TTC23: variants seen among roughly 807,000 people sequenced by gnomAD.
The protein encoded by TTC23 is tetratricopeptide repeat protein 23.
A neutral mutation model predicts 55.1 loss-of-function variants in TTC23; 58 were observed. The observed-to-expected ratio is 1.05, with a 90% CI of 0.85 to 1.31. The LOEUF is 1.31. Ranked by LOEUF, TTC23 falls within the 50% of genes most tolerant of loss-of-function variation. The pLI, the probability that TTC23 is intolerant of heterozygous loss-of-function variation, is 0.00. For synonymous variants in TTC23, 203 were observed against 199.9 expected, an observed-to-expected ratio of 1.02 and a Z score of -0.13; for missense variants, 516 against 534.4, an observed-to-expected ratio of 0.97 and a Z score of 0.34.
chr15:99,158,114 G>A (rs918298058), intron 11 of TTC23: 5 of 152,240 alleles, frequency 3.3e-5, no homozygotes, highest in Non-Finnish European at 7.3e-5. Context: ...TTTCTCAGGT[G>A]AAAGAGGAAT....
chr15:99,150,270 C>A (rs577863763), intron 12 of TTC23, among the ~76,000 whole-genome samples: 1 of 152,304 alleles, frequency 6.6e-6, no homozygotes, highest in South Asian at 2.1e-4. Context: ...TGTCTCCATT[C>A]TTGGTCCACT....
chr15:99,205,868 G>C (rs746383669), intron 8 of TTC23, among the ~76,000 whole-genome samples: 1 of 152,138 alleles, frequency 6.6e-6, no homozygotes, highest in Non-Finnish European at 1.5e-5. Flanking sequence ...GGTAAAAGTA[G>C]GCAAGCCTGT....
Position 99,175,050 on chromosome 15 carries a change from C to T in TTC23, c.865G>A (p.Asp289Asn), listed in dbSNP as rs367792554. ...AGGAAGAGAAAAGGATTCTTCTCAC[C>T]ATGGTGCTCGTGTCTCCCTGAAGCG... ...AVASGRHEHH[D>N]VAEQYFQESM... The change falls in exon 10 of 14, where the codon GAT becomes AAT. Residue 289 changes from aspartate to asparagine, a missense_variant and splice_region_variant. By Grantham distance (23) the Asp-to-Asn change is conservative. Coordinates refer to ENST00000394132, the MANE Select transcript of TTC23 (RefSeq NM_001288615.3). 344 of 1,613,730 alleles carry T rather than the reference C, an allele frequency of 2.1e-4. No homozygotes were observed. Among genetic ancestry groups the T allele is most frequent in the Non-Finnish European group, 2.7e-4 (324 of 1,179,908 alleles).
chr15:99,176,163 A>G (rs2073524567), intron 9 of TTC23, among the ~76,000 whole-genome samples: 1 of 152,232 alleles, frequency 6.6e-6, no homozygotes, highest in South Asian at 2.1e-4. Flanking sequence ...GTTTACATTC[A>G]TTCACACTTA....
intron 10 of TTC23, among the ~76,000 whole-genome samples, chr15:99,168,147 C>T (rs998757943): frequency 6.6e-6 from 1 of 152,202 alleles, no homozygotes; most frequent in African/African-American, 2.4e-5. Flanking sequence ...TAGACAGGGG[C>T]CTGTGACATG....
rs1350838907 is a variant in TTC23 at position 99,219,034 on chromosome 15, C to T, written c.319G>A (p.Ala107Thr). The change falls in exon 7 of 14, where the codon GCA becomes ACA. Residue 107 changes from alanine (A) to threonine (T), a missense_variant. Physicochemically the swap from Ala to Thr is moderately conservative, Grantham distance 58 (BLOSUM62 0). Coordinates refer to ENST00000394132, the MANE Select transcript of TTC23 (RefSeq NM_001288615.3). ...YLQLKGLSLQ[A>T]KQHAEKARQI... is the part of the protein sequence containing the mutation. ...CTGGCTTTTTCTGCATGTTGTTTTG[C>T]TTGCAGTGACAGTCCTGTGGACAAA... The T allele has an allele frequency of 9.3e-6, 15 of 1,613,968 alleles. No homozygotes were observed. Among genetic ancestry groups the T allele is most frequent in the African/African-American group, 4.0e-5 (3 of 74,924 alleles).
intron 12 of TTC23, among the ~76,000 whole-genome samples, chr15:99,145,581 G>C (rs2068753583): frequency 6.6e-6 from 1 of 151,280 alleles, no homozygotes; most frequent in Non-Finnish European, 1.5e-5. Flanking sequence ...GGGGGAGGTG[G>C]TGGTGGTGGT....
intron 12 of TTC23, among the ~76,000 whole-genome samples, chr15:99,149,211 ACAGAG>A (rs1398151514): frequency 1.3e-5 from 2 of 152,238 alleles, no homozygotes; most frequent in African/African-American, 4.8e-5. Context: ...CCTGGTATTC[ACAGAG>A]CAGTCAGCCT....
chr15:99,146,798 G>A (rs997025017), intron 12 of TTC23, among the ~76,000 whole-genome samples: 2 of 152,258 alleles, frequency 1.3e-5, no homozygotes, highest in Non-Finnish European at 1.5e-5. Flanking sequence ...ATAGCTGGGC[G>A]GGCCCAACCT....
intron 8 of TTC23, among the ~76,000 whole-genome samples, chr15:99,204,006 T>A (rs1393677438): frequency 6.6e-6 from 1 of 152,196 alleles, no homozygotes; most frequent in Admixed American, 6.5e-5. Context: ...GGGGGGTATA[T>A]ACTGAGTAAT....
chr15:99,242,445 T>C (rs1288948766), intron 2 of TTC23, among the ~76,000 whole-genome samples: 3 of 152,172 alleles, frequency 2.0e-5, no homozygotes, highest in Non-Finnish European at 2.9e-5. Flanking sequence ...CATGAGTATT[T>C]TGAAAACTCT....
chr15:99,143,581 G>A (rs260115), intron 12 of TTC23, among the ~76,000 whole-genome samples: 44,026 of 152,182 alleles, frequency 0.29, 7,376 homozygotes, highest in African/African-American at 0.47. Flanking sequence ...TTTCTTTAAA[G>A]TGAACAATAA....
At chr15:99,158,790 C>T (rs1168536313) in intron 11 of TTC23, 1 of 152,344 alleles carries the variant, frequency 6.6e-6, no homozygotes, top group Non-Finnish European at 1.5e-5. Context: ...TGAGCACAGC[C>T]CCATTCTTGG....
At chr15:99,213,006 A>AG (rs368010096) in intron 8 of TTC23, among the ~76,000 whole-genome samples, 3 of 101,744 alleles carry the variant, frequency 2.9e-5, no homozygotes, top group Non-Finnish European at 5.5e-5. Flanking sequence ...AAAAAAAAAA[A>AG]GGGGGGGACA....
At chr15:99,204,988 A>T (rs989810248) in intron 8 of TTC23, among the ~76,000 whole-genome samples, 1 of 152,156 alleles carries the variant, frequency 6.6e-6, no homozygotes. Context: ...AGCGAGAACT[A>T]GGGGTCTAGT....
intron 5 of TTC23, among the ~76,000 whole-genome samples, chr15:99,226,354 C>T (rs2078413260): frequency 6.6e-6 from 1 of 152,002 alleles, no homozygotes; most frequent in Non-Finnish European, 1.5e-5. Flanking sequence ...GGGTAAAGGG[C>T]CATAATATCT....
chr15:99,141,503 G>A (rs973199856), intron 12 of TTC23, among the ~76,000 whole-genome samples: 3 of 152,134 alleles, frequency 2.0e-5, no homozygotes, highest in Admixed American at 2.0e-4. Flanking sequence ...TGAATGGTGA[G>A]TTCAAAGGTC....
chr15:99,171,605 C>T (rs960943923), intron 10 of TTC23, among the ~76,000 whole-genome samples: 5 of 147,308 alleles, frequency 3.4e-5, no homozygotes, highest in Non-Finnish European at 5.9e-5. Context: ...GCTCTGTCGC[C>T]AGGCTGTAGT....
At chr15:99,239,514 C>CAAATAA (rs2079594213) in intron 3 of TTC23, among the ~76,000 whole-genome samples, 1 of 151,870 alleles carries the variant, frequency 6.6e-6, no homozygotes, top group Non-Finnish European at 1.5e-5. Context: ...AAAAAATAAA[C>CAAATAA]AAATAAAAAT....
Sources: allele counts gnomAD v4.1 joint callset (sites outside exome capture counted in the v4.1 genomes callset), GRCh38; gene constraint gnomAD v4.1.1; transcripts MANE v1.5; gene names NCBI Gene and HGNC (gene_info 2026-07-23, HGNC 2026-07-21).